The following SYNE1 variants were observed in gnomAD, a reference collection of about 807,000 sequenced individuals.
SYNE1 encodes the protein nesprin-1.
In SYNE1, 616 loss-of-function variants were observed where a neutral mutation model predicts 1,111.0. The ratio of observed to expected loss-of-function variants is 0.55; its 90% CI spans 0.52 to 0.59. The LOEUF is 0.59. Ranked by LOEUF, SYNE1 falls within the 20% of genes least tolerant of loss-of-function variation. The pLI, the probability that SYNE1 is intolerant of heterozygous loss-of-function variation, is 0.00. For synonymous variants in SYNE1, 3,855 were observed against 3,825.8 expected, an observed-to-expected ratio of 1.01 and a Z score of -0.28; for missense variants, 10,006 against 10,417.0, an observed-to-expected ratio of 0.96 and a Z score of 1.72.
chr6:152,486,916 C>A lies in SYNE1; in HGVS notation c.1047+1480G>T, dbSNP rs1038468950. ...AGCAGAAATGACTGAAATATGATGT[C>A]GAGTAGAATATATTACAGAATATAA... On this transcript the variant is annotated intron_variant, in intron 12 of 145. Coordinates refer to ENST00000367255, the MANE Select transcript of SYNE1 (RefSeq NM_182961.4). Among the ~76,000 whole-genome samples, 14 of 151,914 alleles carry A rather than the reference C, an allele frequency of 9.2e-5. 1 individual carries two copies. Among genetic ancestry groups the A allele is most frequent in the Admixed American group, 6.6e-4 (10 of 15,240 alleles).
Position 152,211,531 on chromosome 6 carries a change from C to T in SYNE1, c.22552G>A (p.Gly7518Arg), listed in dbSNP as rs778410119. ...QQILHSIIID[G>R]QRLLEQGQVD... Reference sequence around the variant, plus strand: ...TGACCTTGTTCTAGAAGACGTTGCCCATCAATAATGATTGAGTGCAAAATC... The same window carrying T: ...TGACCTTGTTCTAGAAGACGTTGCCTATCAATAATGATTGAGTGCAAAATC... The change falls in exon 124 of 146, where the codon GGG becomes AGG. Residue 7518 changes from glycine (G) to arginine (R), a missense_variant. Gly to Arg is a moderately radical substitution (Grantham distance 125). This residue lies in a region of SYNE1 where 2,182 missense variants were observed against 2,287.8 expected (regional missense o/e 0.95). Transcript: ENST00000367255. The T allele has an allele frequency of 1.9e-6, 3 of 1,613,796 alleles. No individual in the cohort carries two copies. Among genetic ancestry groups the T allele is most frequent in the Non-Finnish European group, 2.5e-6 (3 of 1,179,870 alleles).
At position 152,354,641 on chromosome 6, in the gene SYNE1, A is replaced by T. The variant is rs2154050591; in HGVS notation, c.10926+18T>A. Reference sequence around the variant, plus strand: ...AACTGTAGCTTTGACAAAGATCAGGAATCTACATGAGTTGTACCTTCATCT... The same window carrying T: ...AACTGTAGCTTTGACAAAGATCAGGTATCTACATGAGTTGTACCTTCATCT... On this transcript the variant is annotated intron_variant, in intron 67 of 145. Coordinates refer to ENST00000367255, the MANE Select transcript of SYNE1 (RefSeq NM_182961.4). The T allele has an allele frequency of 6.2e-7, 1 of 1,613,268 alleles. No homozygotes were observed. The highest frequency in any genetic ancestry group is 8.5e-7 in the Non-Finnish European group (1 of 1,179,188).
At chr6:152,404,659 T>C (rs866239199) in intron 45 of SYNE1, among the ~76,000 whole-genome samples, 7 of 152,170 alleles carry the variant, frequency 4.6e-5, no homozygotes, top group African/African-American at 1.4e-4. Context: ...ACTTTAATAT[T>C]ACTGGTTACT....
At chr6:152,410,349 A>G (rs1466113222) in intron 42 of SYNE1, 1 of 151,278 alleles carries the variant, frequency 6.6e-6, no homozygotes, top group African/African-American at 2.4e-5. Context: ...CAGCCTGGTT[A>G]GTACTTGGAT....
chr6:152,149,436 C>T (rs770544632), intron 136 of SYNE1, 41 bp downstream of exon 136: 1 of 1,612,668 alleles, frequency 6.2e-7, no homozygotes, highest in South Asian at 1.1e-5. Flanking sequence ...GACTTATTCT[C>T]TTTAGATTTA....
chr6:152,293,282 T>C (rs2094699531), intron 95 of SYNE1, among the ~76,000 whole-genome samples: 1 of 152,176 alleles, frequency 6.6e-6, no homozygotes, highest in Admixed American at 6.5e-5. Flanking sequence ...ACTTGGCAAC[T>C]CTAAGGAAAC....
At chr6:152,538,417 T>G (rs2099253996) in intron 4 of SYNE1, among the ~76,000 whole-genome samples, 1 of 152,142 alleles carries the variant, frequency 6.6e-6, no homozygotes, top group Non-Finnish European at 1.5e-5. Context: ...TTGGGTGAAA[T>G]AGAGGCTCCA....
Position 152,409,795 on chromosome 6 carries a change from A to G in SYNE1, c.6231-86T>C, listed in dbSNP as rs953158856. The G allele has an allele frequency of 2.8e-6, 4 of 1,406,520 alleles. No individual in the cohort carries two copies. The African/African-American group carries it at 4.3e-5, about 15-fold the overall frequency. 87.1% of individuals were successfully genotyped at this position (1,406,520 alleles called of 1,614,324 possible). A position where few individuals can be genotyped will look rare whatever the true frequency, so the allele number is the denominator to read the frequency against. ...CTGCAATTGGACTTGATGTTTCACT[A>G]CGTAAAGGTATTAATACTCATAGAC... On this transcript the variant is annotated intron_variant, in intron 42 of 145. Coordinates refer to ENST00000367255, the MANE Select transcript of SYNE1 (RefSeq NM_182961.4).
intron 137 of SYNE1, chr6:152,145,392 G>T: frequency 2.4e-6 from 3 of 1,225,968 alleles, no homozygotes; most frequent in Non-Finnish European, 3.6e-6. Context: ...ACATGCTAGA[G>T]CCACAAAGCT....
chr6:152,413,687 G>GA (rs2154177379), intron 41 of SYNE1, among the ~76,000 whole-genome samples, 156 bp from the exon 42 acceptor site: 1 of 98,420 alleles, frequency 1.0e-5, no homozygotes, highest in African/African-American at 4.7e-5. Context: ...AATGGAAAAA[G>GA]TACTTTTAAA....
intron 3 of SYNE1, among the ~76,000 whole-genome samples, chr6:152,560,219 A>T (rs1055034981): frequency 6.6e-6 from 1 of 152,090 alleles, no homozygotes; most frequent in Non-Finnish European, 1.5e-5. Context: ...TAAATAAATT[A>T]GCTGGGTGTG....
intron 127 of SYNE1, among the ~76,000 whole-genome samples, chr6:152,199,232 T>G (rs961055148): frequency 4.6e-5 from 7 of 152,212 alleles, no homozygotes; most frequent in Non-Finnish European, 8.8e-5. Flanking sequence ...CTTCTTTACT[T>G]TAGACTGACT....
chr6:152,428,095 C>T, intron 37 of SYNE1, 110 bp downstream of exon 37: 6 of 1,452,344 alleles, frequency 4.1e-6, no homozygotes, highest in Non-Finnish European at 5.7e-6. Flanking sequence ...AGTAGACCCA[C>T]AAGTTCACGT....
chr6:152,631,892 C>T (rs921945419), intron 2 of SYNE1, among the ~76,000 whole-genome samples: 3 of 152,150 alleles, frequency 2.0e-5, no homozygotes, highest in Non-Finnish European at 4.4e-5. Context: ...ATCTTTGGAA[C>T]AACTCAGGAG....
chr6:152,152,126 CCTG>C lies in SYNE1; in HGVS notation c.24142_24144del (p.Gln8048del). 6.2e-7 allele frequency: 1 copy of C among 1,614,034 alleles called. No individual in the cohort carries two copies. Among genetic ancestry groups the C allele is most frequent in the Non-Finnish European group, 8.5e-7 (1 of 1,180,022 alleles). On this transcript the variant is annotated inframe_deletion, in exon 134 of 146. Coordinates refer to ENST00000367255, the MANE Select transcript of SYNE1 (RefSeq NM_182961.4). Reference sequence around the variant, plus strand: ...TCCAGCTGCGTCAGGCACTCGTGGACCTGTCGCTGGAAAGCCTAAGGCCACAGA... The same window carrying C: ...TCCAGCTGCGTCAGGCACTCGTGGACTCGCTGGAAAGCCTAAGGCCACAGA...
intron 88 of SYNE1, 73 bp downstream of exon 88, chr6:152,310,615 T>C: frequency 6.2e-7 from 1 of 1,608,270 alleles, no homozygotes; most frequent in Non-Finnish European, 8.5e-7. Context: ...TGAGCACTAT[T>C]TCCATAGTGG....
intron 3 of SYNE1, among the ~76,000 whole-genome samples, chr6:152,568,466 C>T (rs1034565037): frequency 3.3e-5 from 5 of 151,806 alleles, no homozygotes; most frequent in Non-Finnish European, 7.4e-5. Flanking sequence ...CCACACTCGG[C>T]TAATTTTTGT....
chr6:152,199,772 A>G (rs559815740), intron 127 of SYNE1, among the ~76,000 whole-genome samples: 1 of 152,318 alleles, frequency 6.6e-6, no homozygotes, highest in African/African-American at 2.4e-5. Context: ...TTAGGCAAAC[A>G]AGATTTTAGC....
At chr6:152,573,378 G>T (rs530364982) in intron 3 of SYNE1, among the ~76,000 whole-genome samples, 1 of 130,810 alleles carries the variant, frequency 7.6e-6, no homozygotes, top group African/African-American at 3.1e-5. Context: ...TCCCCTTCCT[G>T]TGTCCATGTG....
Sources: allele counts gnomAD v4.1 joint callset (sites outside exome capture counted in the v4.1 genomes callset), GRCh38; gene constraint gnomAD v4.1.1; regional missense constraint gnomAD v4.1.1; transcripts MANE v1.5; gene names NCBI Gene and HGNC (gene_info 2026-07-23, HGNC 2026-07-21).